WASF3: variants seen among roughly 807,000 people sequenced by gnomAD.
WASF3 encodes WASP family member 3, also known as actin-binding protein WASF3.
WASF3 carries 11 observed loss-of-function variants against 46.6 expected under a neutral mutation model. The ratio of observed to expected loss-of-function variants is 0.24; its 90% CI spans 0.15 to 0.39. The LOEUF (loss-of-function observed/expected upper bound fraction) is 0.39. Among genes scored for constraint, WASF3 ranks in the 10% least tolerant of loss-of-function variants. The pLI is 1.00. For synonymous variants in WASF3, 242 were observed against 259.7 expected, an observed-to-expected ratio of 0.93 and a Z score of 0.65; for missense variants, 576 against 669.8, an observed-to-expected ratio of 0.86 and a Z score of 1.55.
chr13:26,656,167 C>A (rs1008909277), intron 3 of WASF3, among the ~76,000 whole-genome samples: 2 of 152,178 alleles, frequency 1.3e-5, no homozygotes, highest in African/African-American at 4.8e-5. Flanking sequence ...AATCCACGTA[C>A]AGTTTTTATG....
the WASF3 span, among the ~76,000 whole-genome samples, chr13:26,539,896 T>C: frequency 2.0e-5 from 3 of 152,178 alleles, no homozygotes. Flanking sequence ...ATAGACTGGT[T>C]ACCTTCTACA....
chr13:26,574,022 C>T (rs1172950292), intron 1 of WASF3, among the ~76,000 whole-genome samples: 2 of 152,040 alleles, frequency 1.3e-5, no homozygotes, highest in Admixed American at 1.3e-4. Context: ...TTCATTTGTC[C>T]ACCTCTCCTT....
At position 26,686,131 on chromosome 13, in the gene WASF3, G is replaced by A; in HGVS notation, c.*286G>A. ...CCTCTTGGCCATGAGAGTATTTAGT[G>A]CAGTTTGGGTTTACTCTTACTGATC... is the stretch of plus-strand genomic sequence containing the variant. On this transcript the variant is annotated 3_prime_UTR_variant, in exon 10 of 10. Transcript: ENST00000335327. The A allele has an allele frequency of 2.7e-6, 1 of 367,634 alleles. No homozygotes were observed. Among genetic ancestry groups the A allele is most frequent in the Non-Finnish European group, 5.0e-6 (1 of 199,612 alleles). 22.8% of individuals were successfully genotyped at this position (367,634 alleles called of 1,614,324 possible).
chr13:26,619,414 T>C (rs1376844244), intron 2 of WASF3: 1 of 152,216 alleles, frequency 6.6e-6, no homozygotes, highest in Non-Finnish European at 1.5e-5. Context: ...TCTAGTCTTA[T>C]GCACACAGCT....
chr13:26,672,521 T>C lies in WASF3; in HGVS notation c.540+532T>C, dbSNP rs73168099. Among the ~76,000 whole-genome samples the C allele has an allele frequency of 8.9e-3, 1,356 of 152,310 alleles. 10 individuals are homozygous for C. The highest frequency in any genetic ancestry group is 0.017 in the Middle Eastern group (5 of 294). On this transcript the variant is annotated intron_variant, in intron 6 of 9. Transcript: ENST00000335327. ...TTGCAAGTTTGAAGGTTGAGAAATA[T>C]CTGCATGCATTACAAGCAGTCTTCA... is the stretch of plus-strand genomic sequence containing the variant.
intron 1 of WASF3, among the ~76,000 whole-genome samples, chr13:26,579,747 T>C (rs1879923300): frequency 6.6e-6 from 1 of 152,106 alleles, no homozygotes; most frequent in African/African-American, 2.4e-5. Flanking sequence ...GAAATGGCGC[T>C]CCTGGTGTTT....
intron 2 of WASF3, among the ~76,000 whole-genome samples, chr13:26,616,947 G>A (rs139601380): frequency 1.3e-5 from 2 of 152,308 alleles, no homozygotes; most frequent in African/African-American, 2.4e-5. Context: ...AAATGCTGGC[G>A]ACAATTCACC....
At chr13:26,638,782 A>T (rs1247176164) in intron 2 of WASF3, 3 of 152,224 alleles carry the variant, frequency 2.0e-5, no homozygotes, top group Admixed American at 6.5e-5. Flanking sequence ...ATCAAAACTG[A>T]TACTGAAATT....
intron 1 of WASF3, among the ~76,000 whole-genome samples, chr13:26,591,715 G>T (rs1337479827): frequency 6.6e-6 from 1 of 152,152 alleles, no homozygotes; most frequent in African/African-American, 2.4e-5. Flanking sequence ...AAGTGGTCTG[G>T]GCTGGAGATG....
intron 1 of WASF3, among the ~76,000 whole-genome samples, chr13:26,559,015 A>C (rs1414471183): frequency 6.6e-6 from 1 of 152,158 alleles, no homozygotes; most frequent in South Asian, 2.1e-4. Context: ...TTCTTTTTAT[A>C]TGTGCTTTAC....
At chr13:26,677,514 A>G (rs1460315535) in intron 7 of WASF3, among the ~76,000 whole-genome samples, 1 of 152,232 alleles carries the variant, frequency 6.6e-6, no homozygotes, top group Non-Finnish European at 1.5e-5. Context: ...AGCAACCTGG[A>G]CTTTGGGTTG....
upstream of WASF3, among the ~76,000 whole-genome samples, chr13:26,556,731 T>C (rs897595021): frequency 6.6e-6 from 1 of 152,232 alleles, no homozygotes; most frequent in Non-Finnish European, 1.5e-5. Flanking sequence ...TGTTGATCAT[T>C]ATTACACATC....
At chr13:26,543,803 C>T in the WASF3 span, among the ~76,000 whole-genome samples, 1 of 152,170 alleles carries the variant, frequency 6.6e-6, no homozygotes, top group South Asian at 2.1e-4. Flanking sequence ...AGCTTGACCT[C>T]TTCTGGTTTC....
chr13:26,667,413 GGTT>G (rs1362951762), intron 4 of WASF3, 101 bp from the exon 5 acceptor site: 1 of 947,090 alleles, frequency 1.1e-6, no homozygotes, highest in African/African-American at 1.7e-5. Flanking sequence ...AATATTATTT[GGTT>G]GTTCTAGGAG....
At chr13:26,577,099 G>T in intron 1 of WASF3, 3 of 796,112 alleles carry the variant, frequency 3.8e-6, no homozygotes, top group Non-Finnish European at 4.4e-6. Flanking sequence ...AGTGAGTCTT[G>T]CTGATTTGCA....
rs1226335723 is a variant in WASF3 at position 26,591,878 on chromosome 13, T to C, written c.-108-21083T>C. Among the ~76,000 whole-genome samples, 4 of 152,262 alleles carry C rather than the reference T, an allele frequency of 2.6e-5. No individual in the cohort carries two copies. In the East Asian group the frequency reaches 7.7e-4, roughly 29 times the overall value. ...AGGAACGGCTGGGCACTGGTGACTA[T>C]TACTTGGTCACCCCTTAAGGTACTT... On this transcript the variant is annotated intron_variant, in intron 1 of 9. Transcript: ENST00000335327.
chr13:26,682,924 A>G lies in WASF3; in HGVS notation c.1301A>G (p.Gln434Arg). ...GAGGCGAAGCGGCAAGAGCCTGCAC[A>G]GCCACCAATCAGTGATGCTCGAAGC... ...VAEAKRQEPA[Q>R]PPISDARSDL... Residue 434 changes from glutamine to arginine, a missense_variant, in exon 9 of 10, where the codon CAG (glutamine) becomes CGG (arginine). This residue lies in a region of WASF3 where 295 missense variants were observed against 291.5 expected (regional missense o/e 1.01). Transcript: ENST00000335327. The surrounding 1 kb of genome is among the most constrained non-coding windows in gnomAD (Gnocchi z 4.4). 1 of 1,610,208 alleles carries G rather than the reference A, an allele frequency of 6.2e-7. No homozygotes were observed. Among genetic ancestry groups the G allele is most frequent in the South Asian group, 1.1e-5 (1 of 91,072 alleles).
At chr13:26,556,118 G>C (rs970147529), upstream of WASF3, among the ~76,000 whole-genome samples, 1 of 152,168 alleles carries the variant, frequency 6.6e-6, no homozygotes, top group Admixed American at 6.5e-5. Context: ...TAATTAGAGA[G>C]GTAAGACTGA....
chr13:26,612,847 A>G (rs1253035106), intron 1 of WASF3, 114 bp from the exon 2 acceptor site: 1 of 152,256 alleles, frequency 6.6e-6, no homozygotes, highest in Non-Finnish European at 1.5e-5. Context: ...GAACTAGTTC[A>G]GGGATTAGAG....
Sources: gnomAD v4.1 joint callset for allele counts (sites outside exome capture counted in the v4.1 genomes callset) on GRCh38, gnomAD v4.1.1 for gene constraint, gnomAD v4.1.1 regional missense constraint, Gnocchi (gnomAD v3.1) non-coding constraint, MANE v1.5 for transcripts, NCBI Gene and HGNC (gene_info 2026-07-23, HGNC 2026-07-21) for gene names.